Variants in DPP6 observed in about 807,000 individuals in gnomAD.
DPP6 encodes the protein dipeptidyl peptidase like 6.
DPP6 carries 69 observed loss-of-function variants against 122.6 expected under a neutral mutation model. The ratio of observed to expected loss-of-function variants is 0.56; its 90% CI spans 0.46 to 0.69. The LOEUF (loss-of-function observed/expected upper bound fraction) is 0.69. DPP6 is among the 30% of genes least tolerant of loss of function. The probability of loss-of-function intolerance (pLI) is 0.00; values close to 1 mark genes in which losing one functional copy is unlikely to be tolerated. For synonymous variants in DPP6, 418 were observed against 433.1 expected, an observed-to-expected ratio of 0.97 and a Z score of 0.43; for missense variants, 928 against 1,116.9, an observed-to-expected ratio of 0.83 and a Z score of 2.41.
intron 1 of DPP6, among the ~76,000 whole-genome samples, chr7:153,952,836 T>C (rs371124464): frequency 5.9e-5 from 9 of 152,338 alleles, no homozygotes; most frequent in East Asian, 1.9e-4. Flanking sequence ...TTAAAATTGG[T>C]ATACCCACAA....
chr7:154,836,737 G>A (rs28494878), intron 16 of DPP6, among the ~76,000 whole-genome samples: 2,505 of 152,106 alleles, frequency 0.016, 80 homozygotes, highest in African/African-American at 0.057. Context: ...GATGAGTTTC[G>A]CTCTTGTCAC....
In DPP6 at chr7:154,255,933, T is replaced by C. The variant is rs1802630905; in HGVS notation, c.244-190281T>C. On this transcript the variant is annotated intron_variant, in intron 1 of 25. Transcript: ENST00000377770. The stretch of plus-strand genomic sequence containing the variant: ...TCTCCTTGTTTCAACACCTATAAAA[T>C]AAGAAGAGTAATATCTGCGCTCTTT... 3.3e-5 allele frequency among the ~76,000 whole-genome samples: 5 copies of C among 152,138 alleles called. No individual in the cohort carries two copies. The South Asian group carries it at 1.0e-3, about 31-fold the overall frequency.
chr7:154,855,021 G>A (rs976970553), intron 17 of DPP6, among the ~76,000 whole-genome samples: 3 of 152,124 alleles, frequency 2.0e-5, no homozygotes, highest in African/African-American at 7.2e-5. Context: ...TGTCTCCAGT[G>A]ACCATCGAGC....
At chr7:154,537,044 T>C (rs915507295) in intron 3 of DPP6, among the ~76,000 whole-genome samples, 1 of 152,144 alleles carries the variant, frequency 6.6e-6, no homozygotes, top group Admixed American at 6.5e-5. Flanking sequence ...ATATGTCATA[T>C]CAAACACAAA....
At chr7:154,074,695 T>A (rs1164064418) in intron 1 of DPP6, among the ~76,000 whole-genome samples, 1 of 152,210 alleles carries the variant, frequency 6.6e-6, no homozygotes, top group African/African-American at 2.4e-5. Context: ...ACACACCGGC[T>A]ACTCCCTGGG....
intron 1 of DPP6, among the ~76,000 whole-genome samples, chr7:154,365,247 A>G (rs935252118): frequency 6.6e-6 from 1 of 152,242 alleles, no homozygotes; most frequent in Non-Finnish European, 1.5e-5. Flanking sequence ...TTGCCAAGCT[A>G]GGCAGTCACA....
chr7:153,773,312 TTATA>T, the DPP6 span, among the ~76,000 whole-genome samples: 9 of 85,472 alleles, frequency 1.1e-4, no homozygotes, highest in South Asian at 4.2e-4. Flanking sequence ...TATGTGTATT[TTATA>T]TATATATATA....
chr7:154,658,857 C>A (rs1438476991), intron 6 of DPP6, among the ~76,000 whole-genome samples: 1 of 152,190 alleles, frequency 6.6e-6, no homozygotes, highest in Admixed American at 6.5e-5. Context: ...GGAGACATTG[C>A]ATTTGTCATT....
chr7:154,427,789 G>C (rs1337313906), intron 1 of DPP6, among the ~76,000 whole-genome samples: 4 of 152,168 alleles, frequency 2.6e-5, no homozygotes, highest in African/African-American at 9.7e-5. Context: ...TTCAATAGCA[G>C]CCTTCAGACA....
At chr7:154,794,247 A>C (rs1340546327) in intron 11 of DPP6, 45 bp downstream of exon 11, 15 of 1,539,180 alleles carry the variant, frequency 9.7e-6, no homozygotes, top group Non-Finnish European at 1.1e-5. Flanking sequence ...TGAAGAACCG[A>C]TGGTCAGACG....
At chr7:154,754,128 T>C (rs909853910) in intron 8 of DPP6, among the ~76,000 whole-genome samples, 29 of 152,234 alleles carry the variant, frequency 1.9e-4, no homozygotes, top group African/African-American at 6.8e-4. Context: ...TTAGGAAATA[T>C]TTGTGCAGAA....
At chr7:154,412,563 G>A (rs950174952) in intron 1 of DPP6, among the ~76,000 whole-genome samples, 4 of 152,148 alleles carry the variant, frequency 2.6e-5, no homozygotes, top group African/African-American at 9.7e-5. Flanking sequence ...TAGTGCTTCA[G>A]CATATGAATT....
chr7:154,301,054 G>A (rs980323328), intron 1 of DPP6, among the ~76,000 whole-genome samples: 12 of 152,182 alleles, frequency 7.9e-5, no homozygotes, highest in African/African-American at 2.9e-4. Flanking sequence ...AAGTTCTGCT[G>A]TGACTTACTT....
rs532229537 is a variant in DPP6, at chr7:154,644,014, G to A, written c.680+6141G>A. 2.6e-5 allele frequency among the ~76,000 whole-genome samples: 4 copies of A among 152,302 alleles called. No homozygotes were observed. In the South Asian group the frequency reaches 8.3e-4, roughly 32 times the overall value. Reference sequence around the variant, plus strand: ...GCCAGGCTGCTGCTGGAGTGTTCACGTGGGACTCAGCATGGGTAGGCATAG... The same window carrying A: ...GCCAGGCTGCTGCTGGAGTGTTCACATGGGACTCAGCATGGGTAGGCATAG... On this transcript the variant is annotated intron_variant, in intron 6 of 25. Coordinates refer to ENST00000377770, the MANE Select transcript of DPP6 (RefSeq NM_130797.4).
At chr7:154,407,366 T>A (rs991499105) in intron 1 of DPP6, among the ~76,000 whole-genome samples, 2 of 152,232 alleles carry the variant, frequency 1.3e-5, no homozygotes, top group African/African-American at 2.4e-5. Flanking sequence ...GCCCAAATGT[T>A]ATTGAAAAAG....
intron 1 of DPP6, among the ~76,000 whole-genome samples, chr7:154,186,976 C>G (rs1268683763): frequency 6.6e-6 from 1 of 152,222 alleles, no homozygotes; most frequent in Admixed American, 6.5e-5. Context: ...TCCAGGCTGT[C>G]CTCCTTCCTG....
chr7:154,880,793 C>A, intron 20 of DPP6, 95 bp from the exon 21 acceptor site: 1 of 1,607,336 alleles, frequency 6.2e-7, no homozygotes, highest in Non-Finnish European at 8.5e-7. Flanking sequence ...GGTTTTCATC[C>A]TTGAAATGGA....
intron 3 of DPP6, among the ~76,000 whole-genome samples, chr7:154,477,726 C>T (rs1448960242): frequency 6.6e-6 from 1 of 152,120 alleles, no homozygotes; most frequent in Non-Finnish European, 1.5e-5. Flanking sequence ...GGAGTTAATA[C>T]ACGCAATTGA....
intron 11 of DPP6, among the ~76,000 whole-genome samples, 172 bp from the exon 12 acceptor site, chr7:154,795,673 C>G (rs1394013674): frequency 1.3e-5 from 2 of 151,776 alleles, no homozygotes; most frequent in African/African-American, 4.8e-5. Context: ...GAGGAGAGCT[C>G]GGGATTGCCT....
Sources: allele counts gnomAD v4.1 joint callset (sites outside exome capture counted in the v4.1 genomes callset), GRCh38; gene constraint gnomAD v4.1.1; transcripts MANE v1.5; gene names NCBI Gene and HGNC (gene_info 2026-07-23, HGNC 2026-07-21).